ENPEP: variants seen among roughly 807,000 people sequenced by gnomAD.
ENPEP encodes AP-A.
In ENPEP, 103 loss-of-function variants were observed where a neutral mutation model predicts 114.5. The ratio of observed to expected loss-of-function variants is 0.90; its 90% CI spans 0.77 to 1.06. The LOEUF (loss-of-function observed/expected upper bound fraction) is 1.06, where lower values mean the gene tolerates loss of function less well. Among genes scored for constraint, ENPEP ranks in the 50% least tolerant of loss-of-function variants. The pLI, the probability that ENPEP is intolerant of heterozygous loss-of-function variation, is 0.00. For synonymous variants in ENPEP, 420 were observed against 422.0 expected (o/e 1.00, Z 0.06); for missense variants, 1,196 against 1,161.3 (o/e 1.03, Z -0.43).
intron 3 of ENPEP, among the ~76,000 whole-genome samples, chr4:110,492,033 T>G: frequency 6.6e-6 from 1 of 152,204 alleles, no homozygotes; most frequent in East Asian, 1.9e-4. Context: ...ATCGTTTTCT[T>G]TTGAAGAACC....
chr4:110,542,364 C>A (rs1726881257), intron 11 of ENPEP, among the ~76,000 whole-genome samples: 1 of 152,022 alleles, frequency 6.6e-6, no homozygotes, highest in African/African-American at 2.4e-5. Context: ...TTTGTGTAAT[C>A]AATCCATTAT....
rs1725923118 is a variant in ENPEP, at chr4:110,520,008, A to G, written c.1510A>G (p.Met504Val). 1 of 1,613,400 alleles carries G rather than the reference A, an allele frequency of 6.2e-7. No homozygotes were observed. Among genetic ancestry groups the G allele is most frequent in the Non-Finnish European group, 8.5e-7 (1 of 1,179,530 alleles). ...KPENFQKGCQ[M>V]YLEKYQFKNA... Reference sequence around the variant, plus strand: ...CATGCTGATTATTTTTTACACACAGATGTACTTGGAAAAATACCAATTCAA... The same window carrying G: ...CATGCTGATTATTTTTTACACACAGGTGTACTTGGAAAAATACCAATTCAA... Residue 504 changes from methionine (M) to valine (V), a missense_variant and splice_region_variant, in exon 9 of 20, where the codon ATG becomes GTG. Coordinates refer to ENST00000265162, the MANE Select transcript of ENPEP (RefSeq NM_001977.4).
At chr4:110,557,838 C>T (rs1727532294) in intron 18 of ENPEP, among the ~76,000 whole-genome samples, 1 of 152,080 alleles carries the variant, frequency 6.6e-6, no homozygotes, top group South Asian at 2.1e-4. Context: ...TGAAATCATG[C>T]TTGATTACTA....
intron 3 of ENPEP, among the ~76,000 whole-genome samples, chr4:110,499,008 C>T (rs1015409715): frequency 2.0e-5 from 3 of 152,142 alleles, no homozygotes; most frequent in South Asian, 2.1e-4. Flanking sequence ...CAGGCCCTTA[C>T]AATCCAAAAA....
At chr4:110,499,801 G>A (rs1311342028) in intron 3 of ENPEP, among the ~76,000 whole-genome samples, 2 of 152,118 alleles carry the variant, frequency 1.3e-5, no homozygotes, top group East Asian at 1.9e-4. Context: ...TGGATTAGGG[G>A]TTGTGGGAAC....
intron 4 of ENPEP, among the ~76,000 whole-genome samples, chr4:110,508,269 C>A (rs370290930): frequency 6.8e-3 from 738 of 108,784 alleles, no homozygotes; most frequent in Middle Eastern, 0.011. Flanking sequence ...CAGTACTGAC[C>A]AAAAAAAAAA....
Position 110,549,872 on chromosome 4 carries a change from T to C in ENPEP, c.2487T>C (p.Val829=). Residue 829 remains valine (V), a synonymous_variant, in exon 17 of 20, where the codon GTT becomes GTC. Coordinates refer to ENST00000265162, the MANE Select transcript of ENPEP (RefSeq NM_001977.4). The part of the protein sequence containing the change: ...LLYGLASVKN[V]TLLSRYLDLL... ...ATGGATTAGCATCAGTGAAGAACGT[T>C]ACTCTTTTGTCAAGGTAAGTTGGGC... The C allele has an allele frequency of 1.2e-6, 2 of 1,609,398 alleles. No individual in the cohort carries two copies. Among genetic ancestry groups the C allele is most frequent in the Non-Finnish European group, 1.7e-6 (2 of 1,178,470 alleles).
At chr4:110,544,513 C>T (rs1199431551) in intron 13 of ENPEP, among the ~76,000 whole-genome samples, 1 of 152,132 alleles carries the variant, frequency 6.6e-6, no homozygotes, top group African/African-American at 2.4e-5. Flanking sequence ...ATACCACTCA[C>T]TCATTTAATA....
intron 1 of ENPEP, among the ~76,000 whole-genome samples, chr4:110,487,991 T>A (rs1186742493): frequency 6.6e-6 from 1 of 152,156 alleles, no homozygotes; most frequent in East Asian, 1.9e-4. Flanking sequence ...TGCCTTTACA[T>A]GAAAATGAAA....
At chr4:110,558,793 T>C (rs928324266) in intron 18 of ENPEP, among the ~76,000 whole-genome samples, 2 of 152,200 alleles carry the variant, frequency 1.3e-5, no homozygotes, top group African/African-American at 2.4e-5. Context: ...TTGCTTTTTA[T>C]GAAAGAAAAT....
At chr4:110,477,105 T>C in intron 1 of ENPEP, 47 bp downstream of exon 1, 1 of 1,559,782 alleles carries the variant, frequency 6.4e-7, no homozygotes, top group South Asian at 1.2e-5. Flanking sequence ...ACATATCTGC[T>C]TTCCATTTCT....
intron 8 of ENPEP, chr4:110,519,126 A>T (rs960256628): frequency 2.2e-6 from 1 of 455,522 alleles, no homozygotes; most frequent in African/African-American, 2.0e-5. Flanking sequence ...ACAAATATGG[A>T]GGCAGCATTC....
At chr4:110,491,267 G>C (rs1193206003) in intron 3 of ENPEP, 103 bp downstream of exon 3, 5 of 1,166,198 alleles carry the variant, frequency 4.3e-6, no homozygotes, top group Middle Eastern at 3.1e-4. Context: ...CAACATGCCT[G>C]AAAAGCCCTT....
rs185777575 is a variant in ENPEP at position 110,555,164 on chromosome 4, T to C, written c.2642+1709T>C. Reference sequence around the variant, plus strand: ...CTCTTGCCCAAGGCTTTAGCATTTCTTCATAATCTAATGATCTAATTCTCA... The same window carrying C: ...CTCTTGCCCAAGGCTTTAGCATTTCCTCATAATCTAATGATCTAATTCTCA... On this transcript the variant is annotated intron_variant, in intron 18 of 19. Transcript: ENST00000265162. Among the ~76,000 whole-genome samples, 329 of 152,180 alleles carry C rather than the reference T, an allele frequency of 2.2e-3. 1 individual carries two copies. The highest frequency in any genetic ancestry group is 7.4e-3 in the African/African-American group (306 of 41,566).
At chr4:110,532,624 A>G (rs984152532) in intron 11 of ENPEP, among the ~76,000 whole-genome samples, 2 of 152,140 alleles carry the variant, frequency 1.3e-5, no homozygotes, top group African/African-American at 4.8e-5. Flanking sequence ...GCCTTTTAAA[A>G]AAAAACGTTT....
chr4:110,478,458 G>T (rs1724195126), intron 1 of ENPEP, among the ~76,000 whole-genome samples: 1 of 152,068 alleles, frequency 6.6e-6, no homozygotes, highest in Non-Finnish European at 1.5e-5. Flanking sequence ...TCACTGCCCA[G>T]TGGTAATCCC....
rs758987917 is a variant in ENPEP, at chr4:110,476,920, T to C, written c.506T>C (p.Val169Ala). 3 of 1,614,040 alleles carry C rather than the reference T, an allele frequency of 1.9e-6. No homozygotes were observed. ...TTCGAGTACAAAAAGCAGGAGTACG[T>C]GGTGGTCGAGGCGGAGGAAGAGCTT... The part of the protein sequence containing the change: ...RCFEYKKQEY[V>A]VVEAEEELTP... The change falls in exon 1 of 20, where the codon GTG becomes GCG. Residue 169 changes from valine to alanine, a missense_variant. By Grantham distance (64) the Val-to-Ala change is moderately conservative. Transcript: ENST00000265162.
At chr4:110,499,922 A>T (rs989206173) in intron 3 of ENPEP, 1 of 152,186 alleles carries the variant, frequency 6.6e-6, no homozygotes, top group African/African-American at 2.4e-5. Context: ...GAAATGTTGC[A>T]TGGAAAATGC....
chr4:110,517,340 G>A (rs1725818462), intron 8 of ENPEP, among the ~76,000 whole-genome samples: 1 of 152,094 alleles, frequency 6.6e-6, no homozygotes, highest in Admixed American at 6.5e-5. Flanking sequence ...GAAAATGTTT[G>A]TTAAATGAAT....
Sources: gnomAD v4.1 joint callset for allele counts (sites outside exome capture counted in the v4.1 genomes callset) on GRCh38, gnomAD v4.1.1 for gene constraint, MANE v1.5 for transcripts, NCBI Gene and HGNC (gene_info 2026-07-23, HGNC 2026-07-21) for gene names.